The following GRID2 variants were observed in gnomAD, a reference collection of about 807,000 sequenced individuals.
The protein encoded by GRID2 is glutamate ionotropic receptor delta type subunit 2, also known as glutamate receptor ionotropic, delta-2.
In GRID2, 33 loss-of-function variants were observed where a neutral mutation model predicts 114.8. The observed-to-expected ratio is 0.29, with a 90% CI of 0.22 to 0.38. The LOEUF is 0.38. Ranked by LOEUF, GRID2 falls within the 10% of genes least tolerant of loss-of-function variation. The probability of loss-of-function intolerance (pLI) is 1.00; values close to 1 mark genes in which losing one functional copy is unlikely to be tolerated. For missense variants in GRID2, 1,184 were observed against 1,257.7 expected (o/e 0.94, Z 0.89); for synonymous variants, 505 against 449.9 (o/e 1.12, Z -1.55).
At chr4:92,376,768 A>C (rs1057259814) in intron 1 of GRID2, among the ~76,000 whole-genome samples, 2 of 152,080 alleles carry the variant, frequency 1.3e-5, no homozygotes, top group Admixed American at 1.3e-4. Flanking sequence ...CAGACTCAAC[A>C]CCACATGGAA....
intron 1 of GRID2, among the ~76,000 whole-genome samples, chr4:92,331,457 A>G (rs1237791431): frequency 6.6e-6 from 1 of 152,168 alleles, no homozygotes; most frequent in African/African-American, 2.4e-5. Flanking sequence ...TGCTGCTCCC[A>G]TGAGGAATGG....
intron 2 of GRID2, among the ~76,000 whole-genome samples, chr4:92,680,995 T>G: frequency 6.6e-6 from 1 of 152,136 alleles, no homozygotes; most frequent in East Asian, 1.9e-4. Flanking sequence ...AGTAATTTTC[T>G]TAAGAAATAC....
At chr4:92,938,905 T>C (rs932426378) in intron 2 of GRID2, among the ~76,000 whole-genome samples, 1 of 147,142 alleles carries the variant, frequency 6.8e-6, no homozygotes, top group African/African-American at 2.4e-5. Context: ...CATCATTTTT[T>C]ATGGCTGCAT....
chr4:92,688,159 C>A (rs1397299335), intron 2 of GRID2, among the ~76,000 whole-genome samples: 1 of 148,400 alleles, frequency 6.7e-6, no homozygotes, highest in Admixed American at 6.8e-5. Flanking sequence ...AAGCGCTTCT[C>A]CTGCCTCAGC....
At chr4:92,472,215 G>A (rs1722080836) in intron 1 of GRID2, among the ~76,000 whole-genome samples, 1 of 60,892 alleles carries the variant, frequency 1.6e-5, no homozygotes, top group African/African-American at 9.8e-5. Flanking sequence ...TTACAGGCGT[G>A]AGCCACCGCG....
chr4:93,288,500 A>T (rs1437142521), intron 8 of GRID2, among the ~76,000 whole-genome samples: 1 of 152,084 alleles, frequency 6.6e-6, no homozygotes, highest in East Asian at 1.9e-4. Context: ...CACTGCCCTT[A>T]GATGGCCACT....
chr4:93,677,783 A>C, intron 14 of GRID2, among the ~76,000 whole-genome samples: 1 of 152,176 alleles, frequency 6.6e-6, no homozygotes. Flanking sequence ...CCATCTGTAC[A>C]TCACCAGCAT....
chr4:92,938,072 A>T (rs1750799507), intron 2 of GRID2, among the ~76,000 whole-genome samples: 1 of 146,874 alleles, frequency 6.8e-6, no homozygotes, highest in Non-Finnish European at 1.5e-5. Flanking sequence ...AGATTTTTTT[A>T]AATGCTCTTT....
At chr4:92,754,242 A>G (rs1179937526) in intron 2 of GRID2, among the ~76,000 whole-genome samples, 1 of 152,186 alleles carries the variant, frequency 6.6e-6, no homozygotes, top group East Asian at 1.9e-4. Context: ...CTGTTGTTGC[A>G]CTATCTGTGG....
chr4:92,356,029 A>G (rs922032438), intron 1 of GRID2, among the ~76,000 whole-genome samples: 1 of 151,798 alleles, frequency 6.6e-6, no homozygotes, highest in African/African-American at 2.4e-5. Context: ...CCATTCATTC[A>G]TTCATAATAT....
chr4:93,205,015 T>C (rs1480811935), intron 4 of GRID2, among the ~76,000 whole-genome samples: 1 of 152,128 alleles, frequency 6.6e-6, no homozygotes, highest in Non-Finnish European at 1.5e-5. Flanking sequence ...TTGTACAACA[T>C]ATTTCTCTTT....
At chr4:93,389,781 T>C (rs1390849685) in intron 8 of GRID2, among the ~76,000 whole-genome samples, 1 of 144,698 alleles carries the variant, frequency 6.9e-6, no homozygotes, top group Non-Finnish European at 1.5e-5. Context: ...TTGAAGCAAG[T>C]TTTTTTTTTT....
chr4:93,068,933 G>T (rs1426035441), intron 2 of GRID2, among the ~76,000 whole-genome samples: 1 of 151,898 alleles, frequency 6.6e-6, no homozygotes, highest in Non-Finnish European at 1.5e-5. Context: ...TGGCTTCTGG[G>T]GATGTCTCAG....
chr4:92,549,057 T>A (rs193052015), intron 1 of GRID2, among the ~76,000 whole-genome samples: 30 of 150,334 alleles, frequency 2.0e-4, no homozygotes, highest in Admixed American at 4.7e-4. Flanking sequence ...TTACTCTTAT[T>A]TGGGGAATGT....
chr4:93,112,087 A>T (rs551853924), intron 4 of GRID2: 1 of 152,120 alleles, frequency 6.6e-6, no homozygotes, highest in Non-Finnish European at 1.5e-5. Context: ...ATTTTAAAGA[A>T]GTTGGGTCTT....
At chr4:92,663,784 A>T (rs969960625) in intron 2 of GRID2, among the ~76,000 whole-genome samples, 1 of 150,908 alleles carries the variant, frequency 6.6e-6, no homozygotes, top group Non-Finnish European at 1.5e-5. Flanking sequence ...ATCCCATTAA[A>T]CTAAATCTCT....
At chr4:93,250,639 CAT>C (rs33931982) in intron 8 of GRID2, among the ~76,000 whole-genome samples, 98,723 of 143,108 alleles carry the variant, frequency 0.69, 34,222 homozygotes, top group Middle Eastern at 0.85. Flanking sequence ...GAAATCATTA[CAT>C]ATATATATAT....
At chr4:93,741,184 T>TATATATATATATAC (rs1186361204) in intron 14 of GRID2, among the ~76,000 whole-genome samples, 5 of 33,376 alleles carry the variant, frequency 1.5e-4, no homozygotes, top group African/African-American at 4.8e-4. Context: ...CATATATATA[T>TATATATATATATAC]ATATATATAT....
chr4:93,421,939 A>G (rs1290441253), intron 9 of GRID2, among the ~76,000 whole-genome samples: 2 of 152,146 alleles, frequency 1.3e-5, no homozygotes, highest in Non-Finnish European at 2.9e-5. Flanking sequence ...TACACCATGA[A>G]TGGTTATCTG....
Sources: gnomAD v4.1 joint callset for allele counts (sites outside exome capture counted in the v4.1 genomes callset) on GRCh38, gnomAD v4.1.1 for gene constraint, MANE v1.5 for transcripts, NCBI Gene and HGNC (gene_info 2026-07-23, HGNC 2026-07-21) for gene names.